The following CHD1 variants were observed in gnomAD, a reference collection of about 807,000 sequenced individuals.
CHD1 encodes the protein chromodomain helicase DNA binding protein 1.
Under a neutral mutation model 224.2 loss-of-function variants are expected in CHD1, and 36 were observed. That is an observed-to-expected ratio of 0.16 (90% CI 0.12 to 0.21). The LOEUF (loss-of-function observed/expected upper bound fraction) is 0.21, where lower values mean the gene tolerates loss of function less well. Among genes scored for constraint, CHD1 ranks in the 10% least tolerant of loss-of-function variants. The pLI is 1.00. For synonymous variants in CHD1, 668 were observed against 658.3 expected (o/e 1.01, Z -0.23); for missense variants, 1,378 against 1,994.8 (o/e 0.69, Z 5.89).
chr5:98,868,678 G>T, intron 30 of CHD1, 43 bp from the exon 31 acceptor site: 1 of 1,489,516 alleles, frequency 6.7e-7, no homozygotes. Context: ...AACCCCAATA[G>T]CAACAAAGGC....
intron 13 of CHD1, 109 bp from the exon 14 acceptor site, chr5:98,893,715 C>T: frequency 1.4e-6 from 1 of 706,184 alleles, no homozygotes; most frequent in South Asian, 2.0e-5. Context: ...TAAAAACAAA[C>T]TTTGTCTAAT....
chr5:98,881,826 C>T, intron 20 of CHD1, 149 bp downstream of exon 20: 1 of 628,154 alleles, frequency 1.6e-6, no homozygotes, highest in East Asian at 2.9e-5. Flanking sequence ...TGAAGTATGT[C>T]TTCTAACTAG....
At chr5:98,896,125 A>T (rs1410169747) in intron 12 of CHD1, 101 bp downstream of exon 12, 11 of 981,588 alleles carry the variant, frequency 1.1e-5, no homozygotes, top group Non-Finnish European at 1.7e-5. Flanking sequence ...ACTGCACTCC[A>T]GCCTGGGAGA....
At chr5:98,923,292 T>C (rs557774024) in intron 2 of CHD1, among the ~76,000 whole-genome samples, 1 of 152,254 alleles carries the variant, frequency 6.6e-6, no homozygotes, top group South Asian at 2.1e-4. Context: ...ACCACACTTT[T>C]CAGAAGCACA....
At chr5:98,882,650 A>G (rs1750278822) in intron 19 of CHD1, among the ~76,000 whole-genome samples, 1 of 152,190 alleles carries the variant, frequency 6.6e-6, no homozygotes, top group Non-Finnish European at 1.5e-5. Context: ...GTAAAGGTTC[A>G]GTACCACCAT....
chr5:98,910,444 T>C (rs143809340), intron 2 of CHD1, among the ~76,000 whole-genome samples: 2 of 152,214 alleles, frequency 1.3e-5, no homozygotes, highest in African/African-American at 4.8e-5. Context: ...GTTAGGACCA[T>C]CTGCTTTTTT....
intron 22 of CHD1, 48 bp from the exon 23 acceptor site, chr5:98,879,776 C>A: frequency 7.3e-7 from 1 of 1,363,984 alleles, no homozygotes; most frequent in East Asian, 2.4e-5. Context: ...AAAAATTGAT[C>A]CCTAAAAGTT....
intron 2 of CHD1, among the ~76,000 whole-genome samples, chr5:98,913,307 C>CA (rs149951475): frequency 4.0e-5 from 6 of 151,774 alleles, no homozygotes; most frequent in South Asian, 2.1e-4. Flanking sequence ...CCCATCTCTA[C>CA]AAAAAAAATA....
intron 2 of CHD1, among the ~76,000 whole-genome samples, chr5:98,916,557 A>C (rs1400051654): frequency 6.6e-6 from 1 of 151,516 alleles, no homozygotes; most frequent in Non-Finnish European, 1.5e-5. Context: ...AAAAAAAAAA[A>C]AAAAAAAAAA....
At chr5:98,900,508 C>G (rs112248959) in intron 7 of CHD1, among the ~76,000 whole-genome samples, 2 of 149,576 alleles carry the variant, frequency 1.3e-5, no homozygotes, top group African/African-American at 4.9e-5. Flanking sequence ...CGTGCAATCT[C>G]AGCTCACTGC....
In CHD1 at chr5:98,902,977, A is replaced by C. The variant is rs1405837113; in HGVS notation, c.373-13T>G. Reference sequence around the variant, plus strand: ...TGCTAGAGGAATCCTGTAGAAAAGAAATAAAGTCAGTATCATCCACTAATG... The same window carrying C: ...TGCTAGAGGAATCCTGTAGAAAAGACATAAAGTCAGTATCATCCACTAATG... On this transcript the variant is annotated splice_polypyrimidine_tract_variant and intron_variant, in intron 4 of 35. Transcript: ENST00000614616. The C allele has an allele frequency of 6.5e-7, 1 of 1,548,852 alleles. No individual in the cohort carries two copies. Among genetic ancestry groups the C allele is most frequent in the Non-Finnish European group, 8.9e-7 (1 of 1,125,852 alleles).
chr5:98,922,702 TA>T (rs1753181971), intron 2 of CHD1, among the ~76,000 whole-genome samples: 1 of 152,182 alleles, frequency 6.6e-6, no homozygotes, highest in African/African-American at 2.4e-5. Context: ...CTAATTATAT[TA>T]GGGGCCAGGC....
At chr5:98,882,460 G>A (rs111636885) in intron 19 of CHD1, among the ~76,000 whole-genome samples, 4 of 150,944 alleles carry the variant, frequency 2.6e-5, no homozygotes, top group East Asian at 3.9e-4. Context: ...TCTTATACTC[G>A]TTGCCTTGAT....
intron 1 of CHD1, among the ~76,000 whole-genome samples, chr5:98,927,045 A>T (rs1314725168): frequency 1.3e-5 from 2 of 152,114 alleles, no homozygotes; most frequent in Non-Finnish European, 2.9e-5. Flanking sequence ...AAAAGATACC[A>T]TATACTCTCA....
intron 18 of CHD1, among the ~76,000 whole-genome samples, chr5:98,884,365 C>T (rs1750487052): frequency 2.6e-5 from 4 of 151,962 alleles, no homozygotes; most frequent in Admixed American, 1.3e-4. Context: ...TGAGCCACCA[C>T]GCCCAGCCTG....
At chr5:98,906,937 C>A (rs1009105025) in intron 2 of CHD1, among the ~76,000 whole-genome samples, 1 of 151,966 alleles carries the variant, frequency 6.6e-6, no homozygotes, top group African/African-American at 2.4e-5. Flanking sequence ...AATTTTTTTC[C>A]AGAATACCTA....
chr5:98,892,754 C>A lies in CHD1; in HGVS notation c.1992-41G>T. On this transcript the variant is annotated intron_variant, in intron 14 of 35. Coordinates refer to ENST00000614616, the MANE Select transcript of CHD1 (RefSeq NM_001270.4). ...AATTGGAACAATTACTAGAAAAAAT[C>A]AAATTGTGTATGTTGTGTATGAACT... The A allele has an allele frequency of 4.2e-6, 6 of 1,431,208 alleles. No individual in the cohort carries two copies. In the South Asian group the frequency reaches 6.7e-5, roughly 16 times the overall value. The allele number at this position is 1,431,208 out of a possible 1,614,324, so 88.7% of individuals were successfully genotyped here.
intron 2 of CHD1, among the ~76,000 whole-genome samples, chr5:98,915,807 TG>T (rs1215580909): frequency 6.6e-6 from 1 of 152,186 alleles, no homozygotes; most frequent in Non-Finnish European, 1.5e-5. Context: ...GGTGTGTACA[TG>T]GGGCTCATTT....
At chr5:98,892,430 C>A in intron 15 of CHD1, 95 bp downstream of exon 15, 1 of 814,146 alleles carries the variant, frequency 1.2e-6, no homozygotes, top group East Asian at 2.5e-5. Flanking sequence ...CTCTAAGACA[C>A]TATTGTAGAG....
Sources: allele counts gnomAD v4.1 joint callset (sites outside exome capture counted in the v4.1 genomes callset), GRCh38; gene constraint gnomAD v4.1.1; transcripts MANE v1.5; gene names NCBI Gene and HGNC (gene_info 2026-07-23, HGNC 2026-07-21).